The following PPARA variants were observed in gnomAD, a reference collection of about 807,000 sequenced individuals.
PPARA encodes peroxisome proliferator-activated receptor alpha.
In PPARA, 22 loss-of-function variants were observed where a neutral mutation model predicts 42.2. That is an observed-to-expected ratio of 0.52 (90% CI 0.37 to 0.74). The LOEUF (loss-of-function observed/expected upper bound fraction) is 0.74, where lower values mean the gene tolerates loss of function less well. Ranked by LOEUF, PPARA falls within the 30% of genes least tolerant of loss-of-function variation. PPARA has a pLI of 0.00. For missense variants in PPARA, 465 were observed against 608.2 expected, an observed-to-expected ratio of 0.76 and a Z score of 2.48; for synonymous variants, 242 against 239.3, an observed-to-expected ratio of 1.01 and a Z score of -0.10.
Position 46,219,937 on chromosome 22 carries a change from G to C in PPARA, c.634G>C (p.Glu212Gln). ...CAAATCTCTGGCCAAGAGAATCTAC[G>C]AGGCCTACTTGAAGAACTTCAACAT... is the stretch of plus-strand genomic sequence containing the variant. ...DLKSLAKRIY[E>Q]AYLKNFNMNK... Residue 212 changes from glutamate (E) to glutamine (Q), a missense_variant, in exon 7 of 9, where the codon GAG becomes CAG. Transcript: ENST00000407236. The surrounding 1 kb of genome is among the most constrained non-coding windows in gnomAD (Gnocchi z 4.8). 2 of 1,614,152 alleles carry C rather than the reference G, an allele frequency of 1.2e-6. No homozygotes were observed. Among genetic ancestry groups the C allele is most frequent in the Non-Finnish European group, 1.7e-6 (2 of 1,180,028 alleles).
Position 46,211,036 on chromosome 22 carries a change from T to C in PPARA, c.209-4137T>C, listed in dbSNP as rs1933877227. Among the ~76,000 whole-genome samples the C allele has an allele frequency of 6.6e-6, 1 of 152,180 alleles. No homozygotes were observed. The highest frequency in any genetic ancestry group is 2.1e-4 in the South Asian group (1 of 4,822). The stretch of plus-strand genomic sequence containing the variant: ...GAGAGCAGGACTATATCCAGCTCCA[T>C]GTGGGCCCCAGGCAGCGTTCACTAT... On this transcript the variant is annotated intron_variant, in intron 4 of 8. Coordinates refer to ENST00000407236, the MANE Select transcript of PPARA (RefSeq NM_005036.6). The surrounding 1 kb of genome is among the most constrained non-coding windows in gnomAD (Gnocchi z 4.1).
intron 4 of PPARA, among the ~76,000 whole-genome samples, chr22:46,199,080 G>C (rs886303222): frequency 6.6e-6 from 1 of 152,164 alleles, no homozygotes; most frequent in African/African-American, 2.4e-5. Context: ...GGCTCACGGT[G>C]CCCCCTCTTG....
chr22:46,172,374 A>G (rs1928226851), intron 2 of PPARA, among the ~76,000 whole-genome samples: 1 of 151,728 alleles, frequency 6.6e-6, no homozygotes, highest in Non-Finnish European at 1.5e-5. Context: ...CACGCCTGTA[A>G]TCCCAGCATT....
At chr22:46,166,784 A>G (rs746219130) in intron 2 of PPARA, among the ~76,000 whole-genome samples, 4 of 152,216 alleles carry the variant, frequency 2.6e-5, no homozygotes, top group South Asian at 4.1e-4. Flanking sequence ...CAGAAGACTC[A>G]GTATCTTAGG....
intron 2 of PPARA, among the ~76,000 whole-genome samples, chr22:46,172,318 TAAAAA>T (rs35328780): frequency 1.7e-5 from 2 of 119,576 alleles, no homozygotes; most frequent in East Asian, 2.6e-4. Context: ...TGCAAGTAAT[TAAAAA>T]AAAAAAAAAA....
chr22:46,208,237 A>G (rs1933579748), intron 4 of PPARA, among the ~76,000 whole-genome samples: 1 of 152,126 alleles, frequency 6.6e-6, no homozygotes, highest in African/African-American at 2.4e-5. Flanking sequence ...TCACACACTT[A>G]CCATTTTTTG....
Position 46,204,025 on chromosome 22 carries a change from C to T in PPARA, c.208+5434C>T, listed in dbSNP as rs190494504. The stretch of plus-strand genomic sequence containing the variant: ...TCCCCAGCCCCGTGCCTCCCTGCCT[C>T]CCTCCCCCAGTAAACCATGAATCCA... On this transcript the variant is annotated intron_variant, in intron 4 of 8. Coordinates refer to ENST00000407236, the MANE Select transcript of PPARA (RefSeq NM_005036.6). The surrounding 1 kb of genome is among the most constrained non-coding windows in gnomAD (Gnocchi z 5.2). Among the ~76,000 whole-genome samples, 5 of 152,220 alleles carry T rather than the reference C, an allele frequency of 3.3e-5. No individual in the cohort carries two copies. Among genetic ancestry groups the T allele is most frequent in the Non-Finnish European group, 7.3e-5 (5 of 68,038 alleles).
intron 3 of PPARA, among the ~76,000 whole-genome samples, chr22:46,185,919 ATATATATATATATATATATATATATATAT>A: frequency 1.0e-4 from 1 of 9,782 alleles, no homozygotes; most frequent in African/African-American, 3.8e-4. Context: ...AAAAAAAAAT[ATATATATATATATATATATATATATATAT>A]ATATATATAT....
intron 4 of PPARA, among the ~76,000 whole-genome samples, chr22:46,205,820 CT>C (rs952340058): frequency 6.6e-6 from 1 of 151,452 alleles, no homozygotes; most frequent in African/African-American, 2.4e-5. Context: ...TGAACTGAAC[CT>C]TTTATTATTA....
At position 46,182,618 on chromosome 22, in the gene PPARA, G is replaced by A. The variant is rs1930121134; in HGVS notation, c.-43+5782G>A. Among the ~76,000 whole-genome samples, 1 of 152,198 alleles carries A rather than the reference G, an allele frequency of 6.6e-6. No individual in the cohort carries two copies. The highest frequency in any genetic ancestry group is 1.5e-5 in the Non-Finnish European group (1 of 68,034). On this transcript the variant is annotated intron_variant, in intron 3 of 8. Coordinates refer to ENST00000407236, the MANE Select transcript of PPARA (RefSeq NM_005036.6). This position sits in a 1 kb window ranked among gnomAD's most constrained non-coding sequence, Gnocchi z 5.2. ...TTTGAGGATGATGGGTCTGCGTACT[G>A]TCTCGGCTATGATAGTGGTTTCACA... is the stretch of plus-strand genomic sequence containing the variant.
intron 4 of PPARA, among the ~76,000 whole-genome samples, chr22:46,202,507 C>T (rs1347154235): frequency 6.6e-6 from 1 of 151,754 alleles, no homozygotes; most frequent in African/African-American, 2.4e-5. Flanking sequence ...GAGGTCGAGG[C>T]GGGTGGATCA....
chr22:46,198,307 C>A, intron 3 of PPARA, 35 bp from the exon 4 acceptor site: 5 of 1,115,260 alleles, frequency 4.5e-6, no homozygotes, highest in East Asian at 4.7e-5. Context: ...CGTTGTTATA[C>A]GTCAGTCTTA....
intron 7 of PPARA, among the ~76,000 whole-genome samples, chr22:46,228,541 A>G (rs1198893547): frequency 6.6e-6 from 1 of 152,122 alleles, no homozygotes; most frequent in African/African-American, 2.4e-5. Flanking sequence ...GTCTCAAAAA[A>G]GAAAAACCAA....
Position 46,150,694 on chromosome 22 carries a change from G to A in PPARA, c.-210+42G>A, listed in dbSNP as rs1248296525. The A allele has an allele frequency of 6.7e-6, 1 of 148,216 alleles. No individual in the cohort carries two copies. Among genetic ancestry groups the A allele is most frequent in the Non-Finnish European group, 1.5e-5 (1 of 66,356 alleles). The allele number at this position is 148,216 out of a possible 1,614,324, so 9.2% of individuals were successfully genotyped here. On this transcript the variant is annotated intron_variant, in intron 1 of 8. Transcript: ENST00000407236. The surrounding 1 kb of genome is among the most constrained non-coding windows in gnomAD (Gnocchi z 7.5). ...GGGCGGGCGGGCGGGAACGCGCGCGGGGGTCCGCGGTCCGGGCTTCCCAGG... is the reference window on the plus strand; with the variant it reads ...GGGCGGGCGGGCGGGAACGCGCGCGAGGGTCCGCGGTCCGGGCTTCCCAGG...
At position 46,204,246 on chromosome 22, in the gene PPARA, TTGA is replaced by T. The variant is rs1358235857; in HGVS notation, c.208+5659_208+5661del. The stretch of plus-strand genomic sequence containing the variant: ...CACAGTTTGCTGATTCACGCACCTG[TTGA>T]TGAGCATTTAGGTTGTTTCTAGCTT... On this transcript the variant is annotated intron_variant, in intron 4 of 8. Transcript: ENST00000407236. This position sits in a 1 kb window ranked among gnomAD's most constrained non-coding sequence, Gnocchi z 5.2. Among the ~76,000 whole-genome samples the T allele has an allele frequency of 6.6e-6, 1 of 152,246 alleles. No individual in the cohort carries two copies. Among genetic ancestry groups the T allele is most frequent in the African/African-American group, 2.4e-5 (1 of 41,476 alleles).
At position 46,203,311 on chromosome 22, in the gene PPARA, A is replaced by G. The variant is rs926595006; in HGVS notation, c.208+4720A>G. Among the ~76,000 whole-genome samples, 1 of 152,180 alleles carries G rather than the reference A, an allele frequency of 6.6e-6. No homozygotes were observed. Among genetic ancestry groups the G allele is most frequent in the African/African-American group, 2.4e-5 (1 of 41,418 alleles). ...GACTGGTCTCTCAGAAGAGCCGGATATTAAATGCAGTACTTTAAACTTTAC... is the reference window on the plus strand; with the variant it reads ...GACTGGTCTCTCAGAAGAGCCGGATGTTAAATGCAGTACTTTAAACTTTAC... On this transcript the variant is annotated intron_variant, in intron 4 of 8. Transcript: ENST00000407236. The surrounding 1 kb of genome is among the most constrained non-coding windows in gnomAD (Gnocchi z 5.8).
chr22:46,198,349 G>T lies in PPARA; in HGVS notation c.-35G>T, dbSNP rs780575398. On this transcript the variant is annotated 5_prime_UTR_variant, in exon 4 of 9. Transcript: ENST00000407236. Reference sequence around the variant, plus strand: ...GTTCCTCTTTCCTCCCAGTAGCTTGGAGCTCGGCGGCACAACCAGCACCAT... The same window carrying T: ...GTTCCTCTTTCCTCCCAGTAGCTTGTAGCTCGGCGGCACAACCAGCACCAT... 1 of 1,597,660 alleles carries T rather than the reference G, an allele frequency of 6.3e-7. No individual in the cohort carries two copies. The highest frequency in any genetic ancestry group is 1.1e-5 in the South Asian group (1 of 90,768).
rs1272290594 is a variant in PPARA at position 46,230,910 on chromosome 22, T to C, written c.712-882T>C. ...ATGGTGTTCACCCCTAAAGTGCATA[T>C]ACTGGTAAAATTAAGAATGATCGTA... On this transcript the variant is annotated intron_variant, in intron 7 of 8. Transcript: ENST00000407236. This position sits in a 1 kb window ranked among gnomAD's most constrained non-coding sequence, Gnocchi z 5.0. 6.6e-6 allele frequency among the ~76,000 whole-genome samples: 1 copy of C among 152,262 alleles called. No homozygotes were observed. The highest frequency in any genetic ancestry group is 1.5e-5 in the Non-Finnish European group (1 of 68,044).
intron 3 of PPARA, among the ~76,000 whole-genome samples, chr22:46,178,013 T>C (rs1929419426): frequency 6.6e-6 from 1 of 152,076 alleles, no homozygotes; most frequent in South Asian, 2.1e-4. Flanking sequence ...TATAGCAGAA[T>C]TTGGGGTATA....
Sources: gnomAD v4.1 joint callset for allele counts (sites outside exome capture counted in the v4.1 genomes callset) on GRCh38, gnomAD v4.1.1 for gene constraint, Gnocchi (gnomAD v3.1) non-coding constraint, MANE v1.5 for transcripts, NCBI Gene and HGNC (gene_info 2026-07-23, HGNC 2026-07-21) for gene names.